UNC79: variants seen among roughly 807,000 people sequenced by gnomAD.
The protein encoded by UNC79 is protein unc-79 homolog.
In UNC79, 37 loss-of-function variants were observed where a neutral mutation model predicts 283.1. That is an observed-to-expected ratio of 0.13 (90% confidence interval 0.10 to 0.17). The LOEUF (loss-of-function observed/expected upper bound fraction) is 0.17. Ranked by LOEUF, UNC79 falls within the 10% of genes least tolerant of loss-of-function variation. The pLI, the probability that UNC79 is intolerant of heterozygous loss-of-function variation, is 1.00. For missense variants in UNC79, 2,272 were observed against 3,211.1 expected (o/e 0.71, Z 7.07); for synonymous variants, 1,107 against 1,200.2 (o/e 0.92, Z 1.61).
At chr14:93,535,040 G>A (rs897743813) in intron 11 of UNC79, among the ~76,000 whole-genome samples, 10 of 152,262 alleles carry the variant, frequency 6.6e-5, no homozygotes, top group South Asian at 2.1e-4. Context: ...TGATAGCATC[G>A]TGATTGGAAA....
chr14:93,683,322 C>T (rs1314644388), intron 42 of UNC79, among the ~76,000 whole-genome samples: 1 of 152,148 alleles, frequency 6.6e-6, no homozygotes, highest in East Asian at 1.9e-4. Flanking sequence ...GTGCAGTCCG[C>T]TGCAATCAGC....
At chr14:93,335,712 G>A (rs2053564099) in intron 1 of UNC79, among the ~76,000 whole-genome samples, 2 of 152,162 alleles carry the variant, frequency 1.3e-5, no homozygotes, top group African/African-American at 2.4e-5. Flanking sequence ...AGCCATGTGC[G>A]GTAGGAAAGG....
intron 31 of UNC79, among the ~76,000 whole-genome samples, chr14:93,631,673 A>T (rs1342797329): frequency 6.6e-6 from 1 of 152,238 alleles, no homozygotes; most frequent in Non-Finnish European, 1.5e-5. Context: ...AAAGCTATTT[A>T]ATAATTTTCA....
intron 13 of UNC79, among the ~76,000 whole-genome samples, chr14:93,541,343 T>A (rs930391501): frequency 2.6e-5 from 4 of 152,252 alleles, no homozygotes; most frequent in Non-Finnish European, 5.9e-5. Context: ...TTGACTGATT[T>A]AATTTCAACA....
intron 1 of UNC79, among the ~76,000 whole-genome samples, chr14:93,387,177 A>T (rs2140000214): frequency 6.6e-6 from 1 of 152,062 alleles, no homozygotes; most frequent in African/African-American, 2.4e-5. Context: ...TCCTGACCTC[A>T]GGTGATCCAC....
chr14:93,577,404 A>C (rs1166892000), intron 17 of UNC79, among the ~76,000 whole-genome samples: 1 of 152,198 alleles, frequency 6.6e-6, no homozygotes, highest in Non-Finnish European at 1.5e-5. Flanking sequence ...GTTGTCTCAT[A>C]ATAGTTTAAT....
At chr14:93,543,532 TA>T (rs1006555548) in intron 14 of UNC79, among the ~76,000 whole-genome samples, 18 of 152,054 alleles carry the variant, frequency 1.2e-4, no homozygotes, top group Non-Finnish European at 1.8e-4. Flanking sequence ...TCCATCTAAT[TA>T]AAAAAATTTT....
intron 11 of UNC79, among the ~76,000 whole-genome samples, chr14:93,537,576 A>G (rs902263081): frequency 6.6e-6 from 1 of 152,074 alleles, no homozygotes; most frequent in East Asian, 1.9e-4. Flanking sequence ...AGTTAACATC[A>G]TTTCTTTTCT....
At chr14:93,431,685 C>G (rs1277787102) in intron 1 of UNC79, among the ~76,000 whole-genome samples, 1 of 152,210 alleles carries the variant, frequency 6.6e-6, no homozygotes, top group Admixed American at 6.5e-5. Flanking sequence ...CCTAATTGAT[C>G]TAATTATTGT....
At chr14:93,346,372 G>A (rs113219767) in intron 1 of UNC79, among the ~76,000 whole-genome samples, 2,977 of 152,248 alleles carry the variant, frequency 0.02, 94 homozygotes, top group African/African-American at 0.068. Flanking sequence ...GAGGGTCTGG[G>A]CACAGTGCCT....
intron 40 of UNC79, 112 bp from the exon 44 acceptor site, chr14:93,673,239 G>C: frequency 1.1e-6 from 1 of 886,604 alleles, no homozygotes; most frequent in Non-Finnish European, 1.7e-6. Context: ...ATGCATTTTT[G>C]AATACTGTTT....
At chr14:93,393,981 G>C (rs2054937374) in intron 1 of UNC79, among the ~76,000 whole-genome samples, 1 of 145,036 alleles carries the variant, frequency 6.9e-6, no homozygotes, top group Admixed American at 6.9e-5. Context: ...ATTTTGTCAG[G>C]TTTTTTTTTT....
At chr14:93,349,854 A>T (rs1354694298) in intron 1 of UNC79, among the ~76,000 whole-genome samples, 1 of 152,254 alleles carries the variant, frequency 6.6e-6, no homozygotes, top group Non-Finnish European at 1.5e-5. Context: ...TTTATAAATG[A>T]TTAACAGAAA....
In UNC79 at chr14:93,704,678, C is replaced by G. The variant is rs777639675; in HGVS notation, c.7590+12C>G. On this transcript the variant is annotated intron_variant, in intron 48 of 48. Transcript: ENST00000555664. The stretch of plus-strand genomic sequence containing the variant: ...AGTCAAATATCAAGGTAAGTCACTC[C>G]CTGGGCTGATTGGAAGCTCGGTTTC... 2 of 1,614,120 alleles carry G rather than the reference C, an allele frequency of 1.2e-6. No individual in the cohort carries two copies. The highest frequency in any genetic ancestry group is 8.5e-7 in the Non-Finnish European group (1 of 1,179,984).
chr14:93,416,366 T>C (rs1005233564), intron 1 of UNC79, among the ~76,000 whole-genome samples: 5 of 150,676 alleles, frequency 3.3e-5, no homozygotes, highest in Non-Finnish European at 7.4e-5. Context: ...TCTAGTTTGA[T>C]TGCACTGTGG....
chr14:93,477,706 A>G (rs763434779), exon 4 of UNC79: 4 of 1,612,802 alleles, frequency 2.5e-6, no homozygotes, highest in Non-Finnish European at 2.5e-6. Context: ...ATCTTAGCAC[A>G]TCTTTTCTAC....
At chr14:93,694,256 G>A (rs2074925339) in intron 46 of UNC79, 79 bp from the exon 50 acceptor site, 1 of 1,362,530 alleles carries the variant, frequency 7.3e-7, no homozygotes, top group Non-Finnish European at 1.0e-6. Context: ...CAGGACATCG[G>A]TCTTCTGCGG....
At chr14:93,589,695 A>T (rs2064513306) in intron 22 of UNC79, among the ~76,000 whole-genome samples, 1 of 152,146 alleles carries the variant, frequency 6.6e-6, no homozygotes, top group East Asian at 1.9e-4. Flanking sequence ...GCCTGGAGGA[A>T]GTCTTGGGAA....
chr14:93,352,200 G>C (rs950117328), intron 1 of UNC79, among the ~76,000 whole-genome samples: 9 of 152,192 alleles, frequency 5.9e-5, no homozygotes, highest in African/African-American at 2.2e-4. Flanking sequence ...GGCCCTTTAC[G>C]TGAACTCCCA....
Sources: allele counts gnomAD v4.1 joint callset (sites outside exome capture counted in the v4.1 genomes callset), GRCh38; gene constraint gnomAD v4.1.1; transcripts MANE v1.5; gene names NCBI Gene and HGNC (gene_info 2026-07-23, HGNC 2026-07-21).